Variants in DNAH14 observed in about 807,000 individuals in gnomAD.
DNAH14 encodes axonemal beta dynein heavy chain 14.
A neutral mutation model predicts 520.9 loss-of-function variants in DNAH14; 478 were observed. The observed-to-expected ratio is 0.92, with a 90% confidence interval of 0.85 to 0.99. DNAH14 has a LOEUF of 0.99. Among genes scored for constraint, DNAH14 ranks in the 50% least tolerant of loss-of-function variants. The pLI is 0.00. For missense variants in DNAH14, 4,831 were observed against 5,234.5 expected, an observed-to-expected ratio of 0.92 and a Z score of 2.38; for synonymous variants, 1,581 against 1,757.2, an observed-to-expected ratio of 0.90 and a Z score of 2.51.
chr1:224,956,007 TTATAAAA>T (rs1455070051), intron 3 of DNAH14, among the ~76,000 whole-genome samples: 1 of 152,134 alleles, frequency 6.6e-6, no homozygotes, highest in Non-Finnish European at 1.5e-5. Flanking sequence ...TGGCTAATCT[TTATAAAA>T]TAATTAATTT....
intron 42 of DNAH14, among the ~76,000 whole-genome samples, chr1:225,234,580 A>T (rs2091424121): frequency 6.6e-6 from 1 of 152,180 alleles, no homozygotes; most frequent in African/African-American, 2.4e-5. Flanking sequence ...AGTTCTGTGA[A>T]GAATGTCGAT....
At chr1:225,398,416 G>T in intron 84 of DNAH14, 104 bp from the exon 85 acceptor site, 1 of 1,365,570 alleles carries the variant, frequency 7.3e-7, no homozygotes, top group East Asian at 2.5e-5. Flanking sequence ...CATGCCTTAG[G>T]CAGGATGAGC....
intron 41 of DNAH14, among the ~76,000 whole-genome samples, chr1:225,216,830 A>T (rs1343612377): frequency 6.6e-6 from 1 of 152,120 alleles, no homozygotes; most frequent in Admixed American, 6.6e-5. Flanking sequence ...CTTCTTTGCA[A>T]TGGGTTCGAA....
chr1:225,303,696 T>A (rs767644988), intron 57 of DNAH14, among the ~76,000 whole-genome samples: 2 of 152,050 alleles, frequency 1.3e-5, no homozygotes, highest in Admixed American at 6.6e-5. Context: ...CCTTGTAAAT[T>A]GCTCTGGCTT....
At chr1:225,362,683 C>T (rs767438801) in intron 75 of DNAH14, among the ~76,000 whole-genome samples, 2 of 151,594 alleles carry the variant, frequency 1.3e-5, no homozygotes, top group Admixed American at 6.6e-5. Context: ...GAAATATCAC[C>T]TCCAAAAGGC....
rs1331297354 is a variant in DNAH14, at chr1:225,358,559, G to A, written c.11683G>A (p.Gly3895Arg). The A allele has an allele frequency of 1.3e-6, 2 of 1,547,928 alleles. No homozygotes were observed. Among genetic ancestry groups the A allele is most frequent in the African/African-American group, 1.4e-5 (1 of 72,804 alleles). Residue 3895 changes from glycine to arginine, a missense_variant, in exon 74 of 86, where the codon GGA becomes AGA. Coordinates refer to ENST00000682510, the MANE Select transcript of DNAH14 (RefSeq NM_001367479.1). The part of the protein sequence containing the change: ...SVRKFITEKM[G>R]NKYLQRTGVN... ...GAGAAAGTTTATAACTGAAAAAATG[G>A]GAAATAAGTATCTTCAAAGAACTGG...
In DNAH14 at chr1:225,089,061, C is replaced by T. The variant is rs144530813; in HGVS notation, c.3573+3272C>T. Among the ~76,000 whole-genome samples the T allele has an allele frequency of 2.5e-4, 38 of 151,814 alleles. No individual in the cohort carries two copies. In the East Asian group the frequency reaches 7.3e-3, roughly 29 times the overall value. ...AGAAATAATACCAGTTATGCACCAA[C>T]TTTTTCAGAAAAGTGTAGAGAAAGG... is the stretch of plus-strand genomic sequence containing the variant. On this transcript the variant is annotated intron_variant, in intron 21 of 85. Transcript: ENST00000682510.
rs111868259 is a variant in DNAH14 at position 225,306,479 on chromosome 1, G to C, written c.9006-982G>C. On this transcript the variant is annotated intron_variant, in intron 58 of 85. Coordinates refer to ENST00000682510, the MANE Select transcript of DNAH14 (RefSeq NM_001367479.1). ...GTCAACAGTCTGAGAAAATTGGCCA[G>C]ATGCCCTACAGGCAAGCGTCAAGAG... 7.0e-3 allele frequency among the ~76,000 whole-genome samples: 1,061 copies of C among 152,252 alleles called. 11 individuals are homozygous for C. The highest frequency in any genetic ancestry group is 0.024 in the African/African-American group (1,014 of 41,548).
intron 1 of DNAH14, among the ~76,000 whole-genome samples, chr1:224,937,583 A>C (rs2059124303): frequency 1.3e-5 from 2 of 152,096 alleles, no homozygotes; most frequent in South Asian, 4.1e-4. Flanking sequence ...TTCCATGCTC[A>C]TGGATCAGAA....
At chr1:225,073,530 G>A (rs989986302) in intron 17 of DNAH14, among the ~76,000 whole-genome samples, 4 of 151,890 alleles carry the variant, frequency 2.6e-5, no homozygotes, top group African/African-American at 9.7e-5. Flanking sequence ...CTCTGCCCCT[G>A]GTCAGCTTGG....
At chr1:225,059,043 C>T (rs188819334) in intron 17 of DNAH14, among the ~76,000 whole-genome samples, 43 of 152,198 alleles carry the variant, frequency 2.8e-4, no homozygotes, top group African/African-American at 8.9e-4. Context: ...CTATTAGGTC[C>T]GCTTGGTGCA....
intron 82 of DNAH14, among the ~76,000 whole-genome samples, chr1:225,388,740 G>C (rs899647696): frequency 5.3e-5 from 8 of 152,136 alleles, no homozygotes; most frequent in Admixed American, 3.9e-4. Context: ...CCTAAGAAAT[G>C]CACAGGGTGA....
chr1:225,222,747 C>T (rs1267011684), intron 41 of DNAH14, among the ~76,000 whole-genome samples: 1 of 152,148 alleles, frequency 6.6e-6, no homozygotes, highest in African/African-American at 2.4e-5. Flanking sequence ...CTGGCTTTGC[C>T]TCTCACAGCC....
chr1:225,165,750 A>G (rs1573634277), intron 35 of DNAH14, among the ~76,000 whole-genome samples: 1 of 151,178 alleles, frequency 6.6e-6, no homozygotes, highest in African/African-American at 2.4e-5. Flanking sequence ...TTCCCAGCTA[A>G]TTTTTTTTAT....
chr1:225,066,922 A>G (rs941769264), intron 17 of DNAH14, among the ~76,000 whole-genome samples: 4 of 152,070 alleles, frequency 2.6e-5, no homozygotes, highest in African/African-American at 9.7e-5. Flanking sequence ...GATTGTTTCC[A>G]TATTTCTGCA....
chr1:225,277,240 A>G (rs1305081250), intron 53 of DNAH14, among the ~76,000 whole-genome samples, 170 bp from the exon 54 acceptor site: 1 of 151,936 alleles, frequency 6.6e-6, no homozygotes, highest in African/African-American at 2.4e-5. Flanking sequence ...GACAATCCTT[A>G]TTGCACAAAT....
At chr1:225,302,108 A>T (rs958595029) in intron 56 of DNAH14, among the ~76,000 whole-genome samples, 1 of 148,136 alleles carries the variant, frequency 6.8e-6, no homozygotes, top group African/African-American at 2.4e-5. Context: ...TATATGTTTT[A>T]TATATATAAT....
In DNAH14 at chr1:225,308,344, G is replaced by A. The variant is rs2094292161; in HGVS notation, c.9174G>A (p.Gln3058=). The A allele has an allele frequency of 6.5e-7, 1 of 1,543,950 alleles. No individual in the cohort carries two copies. The highest frequency in any genetic ancestry group is 1.4e-5 in the African/African-American group (1 of 72,718). ...ATTCACAAGTAGTTGAGAAAGTTCA[G>A]ATGCTTGTTAAACAGGATGAAGAAA... The part of the protein sequence containing the change: ...RKDSQVVEKV[Q]MLVKQDEEIV... The change falls in exon 60 of 86, where the codon CAG becomes CAA. Residue 3058 remains glutamine (Q), a synonymous_variant. Coordinates refer to ENST00000682510, the MANE Select transcript of DNAH14 (RefSeq NM_001367479.1).
In DNAH14 at chr1:224,952,776, C is replaced by G; in HGVS notation, c.74C>G (p.Pro25Arg). Residue 25 changes from proline to arginine, a missense_variant, in exon 2 of 86, where the codon CCA becomes CGA. Coordinates refer to ENST00000682510, the MANE Select transcript of DNAH14 (RefSeq NM_001367479.1). ...EMDKEETKTK[P>R]RLLRYEEKKY... ...GACAAGGAGGAAACCAAGACAAAAC[C>G]AAGGTAAAAGTAAGATAAAATATAA... The G allele has an allele frequency of 6.3e-7, 1 of 1,586,958 alleles. No homozygotes were observed. The highest frequency in any genetic ancestry group is 8.6e-7 in the Non-Finnish European group (1 of 1,166,904).
Sources: allele counts gnomAD v4.1 joint callset (sites outside exome capture counted in the v4.1 genomes callset), GRCh38; gene constraint gnomAD v4.1.1; transcripts MANE v1.5; gene names NCBI Gene and HGNC (gene_info 2026-07-23, HGNC 2026-07-21).